GSDME: variants seen among roughly 807,000 people sequenced by gnomAD.
The protein encoded by GSDME is gasdermin-E.
GSDME carries 44 observed loss-of-function variants against 47.5 expected under a neutral mutation model. The observed-to-expected ratio is 0.93, with a 90% CI of 0.73 to 1.19. GSDME has a LOEUF of 1.19. Among genes scored for constraint, GSDME ranks in the 50% most tolerant of loss-of-function variants. The pLI, the probability that GSDME is intolerant of heterozygous loss-of-function variation, is 0.00. For missense variants in GSDME, 663 were observed against 604.2 expected (o/e 1.10, Z -1.02); for synonymous variants, 258 against 252.8 (o/e 1.02, Z -0.20).
chr7:24,727,317 GAAC>G (rs1790000652), intron 3 of GSDME, among the ~76,000 whole-genome samples: 1 of 152,200 alleles, frequency 6.6e-6, no homozygotes, highest in Admixed American at 6.5e-5. Context: ...CTCTTCTAAA[GAAC>G]AACAAAAAGT....
At chr7:24,788,202 G>A in the GSDME span, among the ~76,000 whole-genome samples, 1 of 152,158 alleles carries the variant, frequency 6.6e-6, no homozygotes, top group African/African-American at 2.4e-5. This position sits in a 1 kb window ranked among gnomAD's most constrained non-coding sequence, Gnocchi z 4.6. Flanking sequence ...CTCTTCCCCT[G>A]CCCCAGGGAC....
rs1207436892 is a variant in GSDME at position 24,756,513 on chromosome 7, G to A, written c.-20+883C>T. Reference sequence around the variant, plus strand: ...AGACAATTAATTTCACTCTTCAGCTGCTTCTCCAACCCCACAGCACTCCTT... The same window carrying A: ...AGACAATTAATTTCACTCTTCAGCTACTTCTCCAACCCCACAGCACTCCTT... On this transcript the variant is annotated intron_variant, in intron 1 of 9. Transcript: ENST00000645220. This position sits in a 1 kb window ranked among gnomAD's most constrained non-coding sequence, Gnocchi z 4.2. Among the ~76,000 whole-genome samples, 1 of 152,168 alleles carries A rather than the reference G, an allele frequency of 6.6e-6. No individual in the cohort carries two copies.
chr7:24,748,619 C>A (rs1584106893), intron 2 of GSDME, among the ~76,000 whole-genome samples: 1 of 152,298 alleles, frequency 6.6e-6, no homozygotes, highest in African/African-American at 2.4e-5. Context: ...AACAATACAT[C>A]TGTCTGACCC....
intron 9 of GSDME, among the ~76,000 whole-genome samples, chr7:24,701,875 T>C (rs763960076): frequency 6.6e-6 from 1 of 152,234 alleles, no homozygotes; most frequent in South Asian, 2.1e-4. Context: ...GTCTTTGCTA[T>C]GCACAAAGGC....
chr7:24,760,898 A>G (rs749157981), upstream of GSDME, among the ~76,000 whole-genome samples: 15 of 152,248 alleles, frequency 9.9e-5, no homozygotes, highest in Non-Finnish European at 1.9e-4. The surrounding 1 kb of genome is among the most constrained non-coding windows in gnomAD (Gnocchi z 4.2). Context: ...CTCTTATTCA[A>G]TTGCAAGGCA....
intron 3 of GSDME, among the ~76,000 whole-genome samples, chr7:24,741,819 A>G (rs1790501553): frequency 6.6e-6 from 1 of 151,542 alleles, no homozygotes; most frequent in Non-Finnish European, 1.5e-5. Flanking sequence ...TTACTCCAGC[A>G]TGACGTAACA....
rs531403927 is a variant in GSDME, at chr7:24,716,161, C to A, written c.697+1093G>T. Among the ~76,000 whole-genome samples, 1 of 152,188 alleles carries A rather than the reference C, an allele frequency of 6.6e-6. No individual in the cohort carries two copies. The highest frequency in any genetic ancestry group is 1.5e-5 in the Non-Finnish European group (1 of 68,042). ...CAGCAGGCATGTGCGTGGTCTATCA[C>A]GGCCCTTTTAAAAACTGCTGTTACA... On this transcript the variant is annotated intron_variant, in intron 5 of 9. Coordinates refer to ENST00000645220, the MANE Select transcript of GSDME (RefSeq NM_001127453.2). This position sits in a 1 kb window ranked among gnomAD's most constrained non-coding sequence, Gnocchi z 4.5.
At position 24,712,367 on chromosome 7, in the gene GSDME, A is replaced by G. The variant is rs1789388583; in HGVS notation, c.698-1979T>C. Among the ~76,000 whole-genome samples, 1 of 152,330 alleles carries G rather than the reference A, an allele frequency of 6.6e-6. No homozygotes were observed. Among genetic ancestry groups the G allele is most frequent in the East Asian group, 1.9e-4 (1 of 5,190 alleles). ...AGGTCCCCAAAATAATGTGGAACCAACTGGCATTTTAAGAATCCACAGCAC... is the reference window on the plus strand; with the variant it reads ...AGGTCCCCAAAATAATGTGGAACCAGCTGGCATTTTAAGAATCCACAGCAC... On this transcript the variant is annotated intron_variant, in intron 5 of 9. Coordinates refer to ENST00000645220, the MANE Select transcript of GSDME (RefSeq NM_001127453.2). This position sits in a 1 kb window ranked among gnomAD's most constrained non-coding sequence, Gnocchi z 4.4.
At chr7:24,727,609 G>A (rs942682359) in intron 3 of GSDME, among the ~76,000 whole-genome samples, 1 of 152,240 alleles carries the variant, frequency 6.6e-6, no homozygotes, top group Non-Finnish European at 1.5e-5. Flanking sequence ...ACCAGCTGTA[G>A]AGTAGGAAAA....
At chr7:24,709,523 G>A (rs1789261032) in intron 6 of GSDME, among the ~76,000 whole-genome samples, 1 of 152,130 alleles carries the variant, frequency 6.6e-6, no homozygotes, top group African/African-American at 2.4e-5. Flanking sequence ...AGTCACCAGG[G>A]CTTCTGTGCT....
chr7:24,753,504 C>T (rs932660656), intron 1 of GSDME, among the ~76,000 whole-genome samples: 1 of 152,202 alleles, frequency 6.6e-6, no homozygotes, highest in African/African-American at 2.4e-5. Context: ...CATAAACAAA[C>T]AAATGTATCT....
At position 24,741,483 on chromosome 7, in the gene GSDME, G is replaced by A. The variant is rs115071219; in HGVS notation, c.404+3079C>T. On this transcript the variant is annotated intron_variant, in intron 3 of 9. Transcript: ENST00000645220. ...TCAAAGGGGTCAGCTCCAGGTATCC[G>A]GAAGGTTAATTTCTGTGGAATGCCT... is the stretch of plus-strand genomic sequence containing the variant. Among the ~76,000 whole-genome samples the A allele has an allele frequency of 2.1e-3, 327 of 152,206 alleles. 1 individual carries two copies. Among genetic ancestry groups the A allele is most frequent in the African/African-American group, 7.6e-3 (316 of 41,522 alleles).
In GSDME at chr7:24,754,139, C is replaced by T. The variant is rs1279712293; in HGVS notation, c.-20+3257G>A. Reference sequence around the variant, plus strand: ...TCAAATAGCTCATGGCCTAAAAACTCACTGCACTTCACAGTTGTTACATAG... The same window carrying T: ...TCAAATAGCTCATGGCCTAAAAACTTACTGCACTTCACAGTTGTTACATAG... On this transcript the variant is annotated intron_variant, in intron 1 of 9. Transcript: ENST00000645220. The surrounding 1 kb of genome is among the most constrained non-coding windows in gnomAD (Gnocchi z 5.0). 4.6e-5 allele frequency among the ~76,000 whole-genome samples: 7 copies of T among 152,204 alleles called. No individual in the cohort carries two copies. Among genetic ancestry groups the T allele is most frequent in the South Asian group, 4.1e-4 (2 of 4,826 alleles).
the GSDME span, among the ~76,000 whole-genome samples, chr7:24,783,002 C>A: frequency 1.3e-5 from 2 of 152,168 alleles, no homozygotes; most frequent in Non-Finnish European, 2.9e-5. Flanking sequence ...TATATTTTTG[C>A]AAATCTAATT....
In GSDME at chr7:24,706,315, CGG is replaced by C; in HGVS notation, c.1050_1051del (p.Arg351AlafsTer48). ...GAAGGCCACAAGGTCCTGCTGCTGCCGGGGCTTCAGCTCCCCCAGCACCGCCA... is the reference window on the plus strand; with the variant it reads ...GAAGGCCACAAGGTCCTGCTGCTGCCGGCTTCAGCTCCCCCAGCACCGCCA... On this transcript the variant is annotated frameshift_variant, in exon 8 of 10. Transcript: ENST00000645220. LOFTEE classifies it high-confidence loss of function. The C allele has an allele frequency of 6.2e-7, 1 of 1,613,666 alleles. No individual in the cohort carries two copies. The highest frequency in any genetic ancestry group is 8.5e-7 in the Non-Finnish European group (1 of 1,179,936).
rs144358787 is a variant in GSDME, at chr7:24,708,253, C to T, written c.864G>A (p.Ala288=). ...GGAAATTCCTCTCCAGGAGCAGGGT[C>T]GCTGTGAAAACAAAGCACACCCAAG... ...QDGPLSVLKQ[A]TLLLERNFHP... Residue 288 remains alanine (A), a splice_region_variant and synonymous_variant, in exon 7 of 10, where the codon GCG becomes GCA. Transcript: ENST00000645220. The T allele has an allele frequency of 1.1e-3, 1,806 of 1,613,964 alleles. 11 individuals are homozygous for T. The highest frequency in any genetic ancestry group is 5.9e-3 in the South Asian group (534 of 91,016).
At chr7:24,746,251 T>A (rs951022448) in intron 2 of GSDME, among the ~76,000 whole-genome samples, 1 of 152,116 alleles carries the variant, frequency 6.6e-6, no homozygotes, top group African/African-American at 2.4e-5. Context: ...TTTGTTAATA[T>A]CTCATGGAAA....
chr7:24,710,543 C>T (rs1382786956), intron 5 of GSDME, 155 bp from the exon 6 acceptor site: 1 of 701,582 alleles, frequency 1.4e-6, no homozygotes, highest in Non-Finnish European at 2.5e-6. Flanking sequence ...TCGATCCCTA[C>T]ACACATTATG....
At chr7:24,706,433 T>TG in intron 7 of GSDME, 57 bp from the exon 8 acceptor site, 3 of 1,557,226 alleles carry the variant, frequency 1.9e-6, no homozygotes, top group Non-Finnish European at 2.6e-6. Flanking sequence ...GCGCCACAGC[T>TG]GGGGCCTCCG....
Sources: gnomAD v4.1 joint callset for allele counts (sites outside exome capture counted in the v4.1 genomes callset) on GRCh38, gnomAD v4.1.1 for gene constraint, Gnocchi (gnomAD v3.1) non-coding constraint, MANE v1.5 for transcripts, NCBI Gene and HGNC (gene_info 2026-07-23, HGNC 2026-07-21) for gene names.